Variants in WWC2 observed in about 807,000 individuals in gnomAD.
The protein encoded by WWC2 is protein WWC2.
WWC2 carries 101 observed loss-of-function variants against 138.5 expected under a neutral mutation model. That is an observed-to-expected ratio of 0.73 (90% CI 0.62 to 0.86). The LOEUF is 0.86. Among genes scored for constraint, WWC2 ranks in the 40% least tolerant of loss-of-function variants. The pLI, the probability that WWC2 is intolerant of heterozygous loss-of-function variation, is 0.00. For synonymous variants in WWC2, 558 were observed against 538.4 expected, an observed-to-expected ratio of 1.04 and a Z score of -0.50; for missense variants, 1,420 against 1,419.4, an observed-to-expected ratio of 1.00 and a Z score of -0.01.
At chr4:183,144,149 C>G (rs80025056) in intron 1 of WWC2, among the ~76,000 whole-genome samples, 1 of 152,304 alleles carries the variant, frequency 6.6e-6, no homozygotes, top group East Asian at 1.9e-4. Flanking sequence ...TTCAGAACTT[C>G]TGAATGATTT....
chr4:183,223,594 C>A (rs1283009694), intron 4 of WWC2, among the ~76,000 whole-genome samples: 2 of 152,052 alleles, frequency 1.3e-5, no homozygotes, highest in Non-Finnish European at 2.9e-5. Context: ...TGTCCAAATG[C>A]CTTATCAATA....
chr4:183,283,124 A>G (rs1001793376), intron 18 of WWC2, among the ~76,000 whole-genome samples: 2 of 152,226 alleles, frequency 1.3e-5, no homozygotes, highest in African/African-American at 4.8e-5. Flanking sequence ...TATTTGGAGA[A>G]TATATAAGAA....
chr4:183,255,654 A>G (rs1359033208), intron 9 of WWC2, among the ~76,000 whole-genome samples: 2 of 151,690 alleles, frequency 1.3e-5, no homozygotes, highest in Non-Finnish European at 2.9e-5. Context: ...TGGCAGAGAA[A>G]GAAGACATAT....
At chr4:183,220,361 T>C (rs182755086) in intron 4 of WWC2, among the ~76,000 whole-genome samples, 27 of 152,316 alleles carry the variant, frequency 1.8e-4, no homozygotes, top group African/African-American at 6.0e-4. Flanking sequence ...AAAACTCATA[T>C]AGCAGGCCAT....
At chr4:183,182,673 GT>G (rs1304455236) in intron 1 of WWC2, among the ~76,000 whole-genome samples, 1 of 152,020 alleles carries the variant, frequency 6.6e-6, no homozygotes, top group Admixed American at 6.6e-5. Context: ...ACTTAAATCT[GT>G]TTTCTGTTAA....
At chr4:183,103,698 T>C (rs1743259117) in intron 1 of WWC2, among the ~76,000 whole-genome samples, 1 of 148,422 alleles carries the variant, frequency 6.7e-6, no homozygotes, top group East Asian at 2.0e-4. Context: ...AGTGCAGTGG[T>C]GCCATCTCGC....
At chr4:183,234,590 T>C (rs1379943522) in intron 4 of WWC2, among the ~76,000 whole-genome samples, 2 of 152,224 alleles carry the variant, frequency 1.3e-5, no homozygotes, top group Admixed American at 6.5e-5. Context: ...ATTGTATTTT[T>C]AGAAGTTCTC....
intron 1 of WWC2, among the ~76,000 whole-genome samples, chr4:183,114,452 C>T (rs1419182189): frequency 1.3e-5 from 2 of 152,116 alleles, no homozygotes; most frequent in East Asian, 1.9e-4. Flanking sequence ...ATCTAGTAGA[C>T]ACCCAGATAT....
At chr4:183,159,261 G>C (rs1250838488) in intron 1 of WWC2, among the ~76,000 whole-genome samples, 1 of 152,078 alleles carries the variant, frequency 6.6e-6, no homozygotes, top group Non-Finnish European at 1.5e-5. Flanking sequence ...CTAGTTTTCT[G>C]ACTAGGCATG....
intron 1 of WWC2, among the ~76,000 whole-genome samples, chr4:183,155,222 G>GAGAGAGAGAGTGAGTT (rs1554067869): frequency 3.4e-3 from 8 of 2,374 alleles, no homozygotes; most frequent in African/African-American, 3.8e-3. Flanking sequence ...GAGAGAGAGA[G>GAGAGAGAGAGTGAGTT]AGTTAGTTGA....
At chr4:183,289,284 T>C in intron 20 of WWC2, 109 bp from the exon 21 acceptor site, 1 of 1,467,134 alleles carries the variant, frequency 6.8e-7, no homozygotes. Flanking sequence ...AGGCCCTGGC[T>C]TCTAGGGTGC....
intron 15 of WWC2, among the ~76,000 whole-genome samples, chr4:183,270,787 A>G (rs1737672041): frequency 6.6e-6 from 1 of 152,098 alleles, no homozygotes; most frequent in African/African-American, 2.4e-5. Flanking sequence ...ATAATTTCAC[A>G]TTTACATAAA....
At position 183,209,005 on chromosome 4, in the gene WWC2, A is replaced by C. The variant is rs756705464; in HGVS notation, c.502A>C (p.Ile168Leu). 4 of 1,573,064 alleles carry C rather than the reference A, an allele frequency of 2.5e-6. No individual in the cohort carries two copies. The highest frequency in any genetic ancestry group is 1.3e-5 in the African/African-American group (1 of 74,150). The part of the protein sequence containing the change: ...KYDPDILKAE[I>L]STTRLRVKKL... ...TGATCCCGATATTTTAAAAGCTGAG[A>C]TCTCCACTACAAGATTAAGGGTAAG... Residue 168 changes from isoleucine to leucine, a missense_variant, in exon 4 of 23, where the codon ATC becomes CTC. Physicochemically the swap from Ile to Leu is conservative, Grantham distance 5. Coordinates refer to ENST00000403733, the MANE Select transcript of WWC2 (RefSeq NM_024949.6).
intron 2 of WWC2, among the ~76,000 whole-genome samples, chr4:183,205,726 A>G (rs1735429372): frequency 6.6e-6 from 1 of 151,990 alleles, no homozygotes; most frequent in Non-Finnish European, 1.5e-5. Context: ...CCTATGTCTT[A>G]TTTAGCTCTG....
chr4:183,226,983 A>G (rs954614613), intron 4 of WWC2, among the ~76,000 whole-genome samples: 2 of 151,974 alleles, frequency 1.3e-5, no homozygotes, highest in Non-Finnish European at 2.9e-5. Flanking sequence ...ATTCCCTTCT[A>G]TTGTGTCCCT....
Position 183,268,983 on chromosome 4 carries a change from T to TG in WWC2, c.2221dup (p.Ala741GlyfsTer8). On this transcript the variant is annotated frameshift_variant, in exon 15 of 23. Transcript: ENST00000403733. LOFTEE classifies it high-confidence loss of function. ...TTGTTCTTTGCAGATATTTTAGGGT[T>TG]GCCGTTCTTCCTTCCTCAACTGATG... The TG allele has an allele frequency of 6.2e-7, 1 of 1,612,256 alleles. No homozygotes were observed. Among genetic ancestry groups the TG allele is most frequent in the Non-Finnish European group, 8.5e-7 (1 of 1,179,486 alleles).
intron 1 of WWC2, among the ~76,000 whole-genome samples, chr4:183,138,925 C>T (rs1204837860): frequency 6.6e-6 from 1 of 152,144 alleles, no homozygotes; most frequent in Non-Finnish European, 1.5e-5. Context: ...TTGGGATGTA[C>T]TACAGGTAAC....
intron 19 of WWC2, among the ~76,000 whole-genome samples, chr4:183,285,172 G>A (rs1358958089): frequency 2.6e-5 from 4 of 152,106 alleles, no homozygotes; most frequent in Admixed American, 2.0e-4. Flanking sequence ...GGGGATCAAT[G>A]CTATGGACAA....
rs764178281 is a variant in WWC2, at chr4:183,178,646, C to T, written c.132-14953C>T. The stretch of plus-strand genomic sequence containing the variant: ...GAAGCACCAGATACTTCCCCACAAG[C>T]TATTAAGGCTGAGTTAGTTCTTATA... On this transcript the variant is annotated intron_variant, in intron 1 of 22. Transcript: ENST00000403733. 2.8e-3 allele frequency among the ~76,000 whole-genome samples: 429 copies of T among 151,890 alleles called. 15 individuals are homozygous for T. The highest frequency in any genetic ancestry group is 6.0e-4 in the Non-Finnish European group (41 of 67,960).
Sources: gnomAD v4.1 joint callset for allele counts (sites outside exome capture counted in the v4.1 genomes callset) on GRCh38, gnomAD v4.1.1 for gene constraint, MANE v1.5 for transcripts, NCBI Gene and HGNC (gene_info 2026-07-23, HGNC 2026-07-21) for gene names.